Variants in FSCN2 observed in about 807,000 individuals in gnomAD.
The protein encoded by FSCN2 is fascin-2.
FSCN2 carries 46 observed loss-of-function variants against 37.8 expected under a neutral mutation model. That is an observed-to-expected ratio of 1.22 (90% CI 0.96 to 1.56). FSCN2 has a LOEUF of 1.56. Ranked by LOEUF, FSCN2 falls within the 40% of genes most tolerant of loss-of-function variation. The pLI, the probability that FSCN2 is intolerant of heterozygous loss-of-function variation, is 0.00. For synonymous variants in FSCN2, 351 were observed against 309.4 expected (o/e 1.13, Z -1.41); for missense variants, 844 against 730.4 (o/e 1.16, Z -1.79).
At chr17:81,533,009 G>A (rs1224841765) in intron 1 of FSCN2, among the ~76,000 whole-genome samples, 3 of 152,112 alleles carry the variant, frequency 2.0e-5, no homozygotes, top group Admixed American at 6.5e-5. Context: ...CTGGATTGGC[G>A]GCCAGGGCTG....
Position 81,528,648 on chromosome 17 carries a change from C to T in FSCN2, c.117C>T (p.Ser39=), listed in dbSNP as rs782001448. 1.9e-6 allele frequency: 3 copies of T among 1,603,696 alleles called. No homozygotes were observed. The South Asian group carries it at 3.4e-5, about 18-fold the overall frequency. ...TCAAGGTCAATGCCTCGGCACCCAG[C>T]CTCAAGAGGAAGCAGACCTGGGTGC... is the stretch of plus-strand genomic sequence containing the variant. ...FGFKVNASAP[S]LKRKQTWVLE... Residue 39 remains serine (S), a synonymous_variant, in exon 1 of 5, where the codon AGC becomes AGT. Transcript: ENST00000417245.
chr17:81,517,803 C>T, the FSCN2 span, among the ~76,000 whole-genome samples: 3,592 of 148,556 alleles, frequency 0.024, 143 homozygotes, highest in African/African-American at 0.085. Context: ...CCAGAGGCAG[C>T]GAGGCCTGAA....
chr17:81,531,363 A>ATGG (rs1568077254), intron 1 of FSCN2, among the ~76,000 whole-genome samples: 2 of 56,976 alleles, frequency 3.5e-5, no homozygotes, highest in African/African-American at 1.6e-4. Flanking sequence ...GGTGATGGTG[A>ATGG]TGATGGTGGT....
rs752541677 is a variant in FSCN2, at chr17:81,536,854, C to G, written c.1274-21C>G. On this transcript the variant is annotated intron_variant, in intron 4 of 4. Transcript: ENST00000417245. ...GCAGCGGGCAGGTGGGCACCCCCGC[C>G]GACGCCGTCCCGTCCCCCAGGCCGC... 10 of 1,552,152 alleles carry G rather than the reference C, an allele frequency of 6.4e-6. No homozygotes were observed. In the South Asian group the frequency reaches 1.2e-4, roughly 18 times the overall value.
At chr17:81,534,910 A>C (rs894297428) in intron 1 of FSCN2, 142 bp from the exon 2 acceptor site, 22 of 583,110 alleles carry the variant, frequency 3.8e-5, no homozygotes, top group Middle Eastern at 4.3e-4. Context: ...GGTCTCTGAG[A>C]GGTGCCTTCC....
At chr17:81,515,844 A>ATATTT in the FSCN2 span, among the ~76,000 whole-genome samples, 1 of 152,142 alleles carries the variant, frequency 6.6e-6, no homozygotes, top group African/African-American at 2.4e-5. Context: ...CTTTTTCTTT[A>ATATTT]TATTTTATTT....
rs758392047 is a variant in FSCN2, at chr17:81,536,809, G to C, written c.1273+20G>C. The C allele has an allele frequency of 1.3e-5, 20 of 1,567,286 alleles. No individual in the cohort carries two copies. The African/African-American group carries it at 2.2e-4, about 17-fold the overall frequency. ...TCCGAGGTGCGTGGCGGGGCGGGTGGGCACGCGGGAGCGGGGGTGGCAGCG... is the reference window on the plus strand; with the variant it reads ...TCCGAGGTGCGTGGCGGGGCGGGTGCGCACGCGGGAGCGGGGGTGGCAGCG... On this transcript the variant is annotated intron_variant, in intron 4 of 4. Coordinates refer to ENST00000417245, the MANE Select transcript of FSCN2 (RefSeq NM_012418.4).
upstream of FSCN2, chr17:81,527,235 G>C (rs1421507566): frequency 6.6e-6 from 1 of 152,380 alleles, no homozygotes; most frequent in Non-Finnish European, 1.5e-5. Flanking sequence ...CTCAGGAGAT[G>C]GGCCCAGGAG....
Position 81,535,116 on chromosome 17 carries a change from C to A in FSCN2, c.891C>A (p.Asp297Glu). 2 of 1,533,134 alleles carry A rather than the reference C, an allele frequency of 1.3e-6. No homozygotes were observed. Among genetic ancestry groups the A allele is most frequent in the Non-Finnish European group, 1.7e-6 (2 of 1,144,404 alleles). 95.0% of individuals were successfully genotyped at this position (1,533,134 alleles called of 1,614,324 possible). The change falls in exon 2 of 5, where the codon GAC becomes GAA. Residue 297 changes from aspartate to glutamate, a missense_variant. Asp to Glu is a conservative substitution (Grantham distance 45, BLOSUM62 2). Transcript: ENST00000417245. ...ACGAGACCTTCCTGATGCAAATTGA[C>A]CAGGAGACAAAGAAGTGCACCTTCT... is the stretch of plus-strand genomic sequence containing the variant. The part of the protein sequence containing the change: ...LDHETFLMQI[D>E]QETKKCTFYS...
At chr17:81,531,212 G>T (rs1598572769) in intron 1 of FSCN2, among the ~76,000 whole-genome samples, 1 of 134,628 alleles carries the variant, frequency 7.4e-6, no homozygotes, top group Non-Finnish European at 1.5e-5. Context: ...TGGTGGTGAT[G>T]GTGGTGATGG....
At position 81,537,017 on chromosome 17, in the gene FSCN2, C is replaced by G. The variant is rs940417475; in HGVS notation, c.1416C>G (p.Gly472=). The G allele has an allele frequency of 1.3e-6, 2 of 1,501,504 alleles. No homozygotes were observed. The highest frequency in any genetic ancestry group is 5.5e-5 in the East Asian group (2 of 36,426). The allele number at this position is 1,501,504 out of a possible 1,614,324, so 93.0% of individuals were successfully genotyped here. Residue 472 remains glycine, a synonymous_variant, in exon 5 of 5, where the codon GGC becomes GGG. Coordinates refer to ENST00000417245, the MANE Select transcript of FSCN2 (RefSeq NM_012418.4). Reference sequence around the variant, plus strand: ...GGAGCGGCAAGTACCTGCGCGGCGGCGCCTCGGGCCTGCTGCGGGCCGATG... The same window carrying G: ...GGAGCGGCAAGTACCTGCGCGGCGGGGCCTCGGGCCTGCTGCGGGCCGATG... ...RARSGKYLRG[G]ASGLLRADAD...
chr17:81,529,691 T>G, intron 1 of FSCN2: 1 of 570,250 alleles, frequency 1.8e-6, no homozygotes. Flanking sequence ...CGATGGGCAG[T>G]GCCCAGCAGG....
At chr17:81,529,810 T>C (rs1446061879) in intron 1 of FSCN2, among the ~76,000 whole-genome samples, 1 of 151,094 alleles carries the variant, frequency 6.6e-6, no homozygotes, top group Non-Finnish European at 1.5e-5. Flanking sequence ...CTGGACTTCA[T>C]TTATTTATTT....
chr17:81,532,351 T>C (rs1397346723), intron 1 of FSCN2, among the ~76,000 whole-genome samples: 1 of 147,066 alleles, frequency 6.8e-6, no homozygotes, highest in Non-Finnish European at 1.5e-5. Flanking sequence ...ATGATGATAG[T>C]GATGGTGGTG....
chr17:81,521,572 A>G, the FSCN2 span, among the ~76,000 whole-genome samples: 2 of 152,068 alleles, frequency 1.3e-5, no homozygotes, highest in Non-Finnish European at 2.9e-5. Context: ...GGGTTTTGCC[A>G]TGTTACCCAA....
At chr17:81,526,979 C>G (rs2032370345), upstream of FSCN2, 1 of 152,388 alleles carries the variant, frequency 6.6e-6, no homozygotes, top group Admixed American at 6.5e-5. Context: ...ATGTGGGAGT[C>G]TCTCTGCCCC....
At chr17:81,527,509 G>A (rs1255987526), upstream of FSCN2, 1 of 152,458 alleles carries the variant, frequency 6.6e-6, no homozygotes, top group African/African-American at 2.4e-5. Context: ...AGGTGCTGTA[G>A]ACAGGTGTGA....
At chr17:81,530,265 C>T (rs186072025) in intron 1 of FSCN2, 17 of 280,736 alleles carry the variant, frequency 6.1e-5, no homozygotes, top group South Asian at 3.3e-4. Flanking sequence ...ATGGAGGACA[C>T]GGTGGGCAGG....
At chr17:81,536,006 G>C in intron 2 of FSCN2, 140 bp from the exon 3 acceptor site, 2 of 1,042,976 alleles carry the variant, frequency 1.9e-6, no homozygotes, top group Non-Finnish European at 2.8e-6. Flanking sequence ...ACTGGGGCAG[G>C]GTAGCGCCTG....
Sources: allele counts gnomAD v4.1 joint callset (sites outside exome capture counted in the v4.1 genomes callset), GRCh38; gene constraint gnomAD v4.1.1; transcripts MANE v1.5; gene names NCBI Gene and HGNC (gene_info 2026-07-23, HGNC 2026-07-21).